Variants in SETBP1 observed in about 807,000 individuals in gnomAD.
SETBP1 encodes the protein SET binding protein 1, also known as SET-binding protein.
Under a neutral mutation model 101.0 loss-of-function variants are expected in SETBP1, and 9 were observed. The ratio of observed to expected loss-of-function variants is 0.09; its 90% CI spans 0.05 to 0.16. SETBP1 has a LOEUF of 0.16. SETBP1 is among the 10% of genes least tolerant of loss of function. SETBP1 has a pLI of 1.00. For synonymous variants in SETBP1, 818 were observed against 788.5 expected (o/e 1.04, Z -0.63); for missense variants, 1,858 against 2,033.8 (o/e 0.91, Z 1.66).
chr18:44,975,111 G>A (rs777328708), intron 4 of SETBP1, among the ~76,000 whole-genome samples: 5 of 152,150 alleles, frequency 3.3e-5, no homozygotes, highest in African/African-American at 7.2e-5. Context: ...AGAAATTTTC[G>A]GATCCAAGAA....
chr18:44,682,576 G>C (rs2068776481), intron 1 of SETBP1, among the ~76,000 whole-genome samples: 1 of 152,238 alleles, frequency 6.6e-6, no homozygotes, highest in African/African-American at 2.4e-5. Flanking sequence ...AGGTGTCAGA[G>C]TGAAGGTGAG....
intron 3 of SETBP1, among the ~76,000 whole-genome samples, chr18:44,920,133 G>T (rs1389409098): frequency 6.6e-6 from 1 of 152,176 alleles, no homozygotes; most frequent in Non-Finnish European, 1.5e-5. Flanking sequence ...TGATCTCTCT[G>T]CTGCCAGTAT....
chr18:44,934,821 C>T (rs1047715610), intron 3 of SETBP1, among the ~76,000 whole-genome samples: 1 of 152,144 alleles, frequency 6.6e-6, no homozygotes, highest in African/African-American at 2.4e-5. Context: ...AGTCTGTGCT[C>T]CTAACTGCTG....
rs1445775270 is a variant in SETBP1 at position 44,690,291 on chromosome 18, A to T, written c.-173+9270A>T. On this transcript the variant is annotated intron_variant, in intron 1 of 5. Transcript: ENST00000649279. ...TCACAGAGAAAGGGAAGTGGAGCTG[A>T]TATTTGTTTAGTTCTCTGGTATGCT... Among the ~76,000 whole-genome samples, 5 of 152,344 alleles carry T rather than the reference A, an allele frequency of 3.3e-5. No individual in the cohort carries two copies. The East Asian group carries it at 9.6e-4, about 29-fold the overall frequency.
rs16978214 is a variant in SETBP1, at chr18:44,874,849, A to C, written c.540+5566A>C. On this transcript the variant is annotated intron_variant, in intron 3 of 5. Transcript: ENST00000649279. ...CAGAAGTTTTAATGCCAAACCCCAA[A>C]GTATTCTGTGAGGAGAAGCTGCTTT... Among the ~76,000 whole-genome samples, 897 of 152,298 alleles carry C rather than the reference A, an allele frequency of 5.9e-3. 9 individuals are homozygous for C. Among genetic ancestry groups the C allele is most frequent in the African/African-American group, 0.021 (856 of 41,544 alleles).
chr18:44,737,576 T>C (rs1272009651), intron 2 of SETBP1, among the ~76,000 whole-genome samples: 1 of 152,258 alleles, frequency 6.6e-6, no homozygotes, highest in Admixed American at 6.5e-5. Flanking sequence ...ACACAGATTC[T>C]ACTTCCAACT....
At chr18:44,919,487 C>A (rs1469202245) in intron 3 of SETBP1, among the ~76,000 whole-genome samples, 1 of 151,902 alleles carries the variant, frequency 6.6e-6, no homozygotes, top group South Asian at 2.1e-4. Context: ...GTAGCTGGGA[C>A]TACAGGTGCA....
chr18:45,054,222 C>T (rs1038176407), intron 5 of SETBP1, among the ~76,000 whole-genome samples: 2 of 151,736 alleles, frequency 1.3e-5, no homozygotes, highest in Non-Finnish European at 2.9e-5. Flanking sequence ...GAGTCTGGCT[C>T]TGTTGCCCAG....
rs145609666 is a variant in SETBP1 at position 44,994,862 on chromosome 18, A to G, written c.4000+41522A>G. On this transcript the variant is annotated intron_variant, in intron 4 of 5. Transcript: ENST00000649279. ...TGTATGATAAAACTGCAAAGAAAGG[A>G]GGTTGGGCAGGGTTGCCATGTATGG... Among the ~76,000 whole-genome samples, 925 of 152,258 alleles carry G rather than the reference A, an allele frequency of 6.1e-3. 7 individuals are homozygous for G. The highest frequency in any genetic ancestry group is 9.0e-3 in the Non-Finnish European group (614 of 68,020).
At chr18:44,816,963 C>T (rs933218889) in intron 2 of SETBP1, among the ~76,000 whole-genome samples, 5 of 152,076 alleles carry the variant, frequency 3.3e-5, no homozygotes, top group Non-Finnish European at 7.4e-5. Context: ...TCTTCTGGGG[C>T]TTGTTGTGTT....
intron 2 of SETBP1, among the ~76,000 whole-genome samples, chr18:44,777,225 G>A (rs995921938): frequency 2.6e-5 from 4 of 152,278 alleles, no homozygotes; most frequent in African/African-American, 9.6e-5. Context: ...GCTGAGGCAG[G>A]AGGATCCCTT....
At chr18:44,900,520 G>T (rs529319118) in intron 3 of SETBP1, among the ~76,000 whole-genome samples, 6 of 152,218 alleles carry the variant, frequency 3.9e-5, no homozygotes, top group African/African-American at 1.4e-4. Context: ...AAAATTATTT[G>T]AGTGATTTAT....
chr18:44,688,243 C>T (rs1217858982), intron 1 of SETBP1, among the ~76,000 whole-genome samples: 2 of 152,098 alleles, frequency 1.3e-5, no homozygotes, highest in Non-Finnish European at 2.9e-5. Flanking sequence ...TTTTATCTGC[C>T]AATGATTTTC....
chr18:44,757,386 T>G (rs2070521617), intron 2 of SETBP1, among the ~76,000 whole-genome samples: 1 of 152,232 alleles, frequency 6.6e-6, no homozygotes, highest in Non-Finnish European at 1.5e-5. Context: ...CATGGCATTC[T>G]GTAGAGCCTG....
At chr18:44,737,629 T>G (rs2069998599) in intron 2 of SETBP1, among the ~76,000 whole-genome samples, 1 of 152,242 alleles carries the variant, frequency 6.6e-6, no homozygotes, top group South Asian at 2.1e-4. Context: ...GTCACTTCAC[T>G]AGGCCTGACT....
chr18:44,979,890 A>G (rs1303748147), intron 4 of SETBP1, among the ~76,000 whole-genome samples: 1 of 152,246 alleles, frequency 6.6e-6, no homozygotes, highest in East Asian at 1.9e-4. Context: ...ATACATTTAC[A>G]AAAAGCAGTT....
chr18:45,034,382 G>T (rs1001414101), intron 4 of SETBP1, among the ~76,000 whole-genome samples: 10 of 152,152 alleles, frequency 6.6e-5, no homozygotes, highest in African/African-American at 2.4e-4. Flanking sequence ...GTCAGCTTCT[G>T]CATCGAAGGA....
At chr18:44,904,497 A>G (rs985128516) in intron 3 of SETBP1, among the ~76,000 whole-genome samples, 1 of 152,212 alleles carries the variant, frequency 6.6e-6, no homozygotes, top group African/African-American at 2.4e-5. Flanking sequence ...GGTATTACCA[A>G]TAAGAAAAAA....
chr18:44,730,599 G>T (rs149955584), intron 2 of SETBP1, among the ~76,000 whole-genome samples: 28 of 152,254 alleles, frequency 1.8e-4, no homozygotes, highest in African/African-American at 6.7e-4. Flanking sequence ...TGCCTACCAA[G>T]AAGAAAGCAT....
Sources: gnomAD v4.1 joint callset for allele counts (sites outside exome capture counted in the v4.1 genomes callset) on GRCh38, gnomAD v4.1.1 for gene constraint, MANE v1.5 for transcripts, NCBI Gene and HGNC (gene_info 2026-07-23, HGNC 2026-07-21) for gene names.